Variants in OR8B8 observed in about 807,000 individuals in gnomAD.
OR8B8 encodes the protein olfactory receptor 8B8.
In OR8B8, 8 loss-of-function variants were observed where a neutral mutation model predicts 10.5. The observed-to-expected ratio is 0.76, with a 90% CI of 0.45 to 1.38. The LOEUF is 1.38. OR8B8 is among the 40% of genes most tolerant of loss of function. The probability of loss-of-function intolerance (pLI) is 0.00; values close to 1 mark genes in which losing one functional copy is unlikely to be tolerated. For synonymous variants in OR8B8, 150 were observed against 145.2 expected (o/e 1.03, Z -0.24); for missense variants, 390 against 380.5 (o/e 1.03, Z -0.21).
rs1324977006 is a variant in OR8B8 at position 124,440,142 on chromosome 11, C to G, written c.*8G>C. 6.3e-7 allele frequency: 1 copy of G among 1,599,778 alleles called. No homozygotes were observed. The highest frequency in any genetic ancestry group is 1.3e-5 in the African/African-American group (1 of 74,356). Reference sequence around the variant, plus strand: ...AACAGTGTTTCTTTCCTGAGCATTGCCCTTTTCTCAGGAGAATGCATTTTT... The same window carrying G: ...AACAGTGTTTCTTTCCTGAGCATTGGCCTTTTCTCAGGAGAATGCATTTTT... On this transcript the variant is annotated 3_prime_UTR_variant, in exon 3 of 3. Coordinates refer to ENST00000642064, the MANE Select transcript of OR8B8 (RefSeq NM_012378.2).
chr11:124,441,809 A>G (rs936111378), intron 1 of OR8B8, among the ~76,000 whole-genome samples, 186 bp from the exon 2 acceptor site: 11 of 152,178 alleles, frequency 7.2e-5, no homozygotes, highest in African/African-American at 2.2e-4. Context: ...GTGACAGCCA[A>G]TGACAGGAGA....
At chr11:124,441,198 A>G in intron 2 of OR8B8, 97 bp from the exon 3 acceptor site, 1 of 819,018 alleles carries the variant, frequency 1.2e-6, no homozygotes, top group South Asian at 1.8e-5. Flanking sequence ...GGAGGCACAC[A>G]GAGAGATTTT....
intron 1 of OR8B8, 75 bp from the exon 2 acceptor site, chr11:124,441,698 C>G (rs973122700): frequency 6.5e-6 from 1 of 153,022 alleles, no homozygotes; most frequent in Non-Finnish European, 1.5e-5. Flanking sequence ...TCGGCTGCCT[C>G]AGAACTCTTT....
intron 1 of OR8B8, among the ~76,000 whole-genome samples, chr11:124,444,608 ATCTCTAAT>A (rs1356552727): frequency 6.6e-6 from 1 of 152,204 alleles, no homozygotes; most frequent in Non-Finnish European, 1.5e-5. Context: ...ATGTTCATTA[ATCTCTAAT>A]TCTCAATCTC....
rs1314525488 is a variant in OR8B8, at chr11:124,441,068, G to A, written c.18C>T (p.Ser6=). The part of the protein sequence containing the change: MAAEN[S]SFVTQFILAG... Reference sequence around the variant, plus strand: ...CGAGGATAAACTGTGTCACGAAGGAGGAATTCTCAGCAGCCATTGTCATTT... The same window carrying A: ...CGAGGATAAACTGTGTCACGAAGGAAGAATTCTCAGCAGCCATTGTCATTT... The change falls in exon 3 of 3, where the codon TCC becomes TCT. Residue 6 remains serine (S), a synonymous_variant. Coordinates refer to ENST00000642064, the MANE Select transcript of OR8B8 (RefSeq NM_012378.2). 8.1e-6 allele frequency: 13 copies of A among 1,610,800 alleles called. No homozygotes were observed. The highest frequency in any genetic ancestry group is 1.0e-5 in the Non-Finnish European group (12 of 1,179,610).
Position 124,440,276 on chromosome 11 carries a change from C to T in OR8B8, c.810G>A (p.Gln270=). ...LKPFSLLAMN[Q]GKVSSLFYTT... The stretch of plus-strand genomic sequence containing the variant: ...TATAGAATAGGGAAGACACCTTGCC[C>T]TGGTTCATAGCTAAAAGAGAAAAGG... The change falls in exon 3 of 3, where the codon CAG becomes CAA. Residue 270 remains glutamine (Q), a synonymous_variant. Transcript: ENST00000642064. 1 of 1,614,132 alleles carries T rather than the reference C, an allele frequency of 6.2e-7. No homozygotes were observed. Among genetic ancestry groups the T allele is most frequent in the Non-Finnish European group, 8.5e-7 (1 of 1,180,042 alleles).
At position 124,438,522 on chromosome 11, in the gene OR8B8, A is replaced by G. The variant is rs1303609049; in HGVS notation, c.*1628T>C. On this transcript the variant is annotated 3_prime_UTR_variant, in exon 3 of 3. Transcript: ENST00000642064. ...TATAATCTTTTTAAACTGAAAAGCT[A>G]CTCTACCTTCCTTTATACAGTACCA... 2.0e-5 allele frequency: 3 copies of G among 152,198 alleles called. No individual in the cohort carries two copies. Among genetic ancestry groups the G allele is most frequent in the South Asian group, 4.1e-4 (2 of 4,832 alleles). 9.4% of individuals were successfully genotyped at this position (152,198 alleles called of 1,614,324 possible).
intron 1 of OR8B8, among the ~76,000 whole-genome samples, chr11:124,445,260 A>T (rs767548123): frequency 7.9e-5 from 12 of 152,200 alleles, no homozygotes; most frequent in Non-Finnish European, 1.5e-4. Context: ...AGTCTACTAC[A>T]ACTTGCTGGG....
At chr11:124,441,276 G>C in intron 2 of OR8B8, 175 bp from the exon 3 acceptor site, 1 of 574,786 alleles carries the variant, frequency 1.7e-6, no homozygotes, top group South Asian at 2.4e-5. Context: ...GGCCAGGGCA[G>C]GTGCTGCTGG....
chr11:124,445,530 C>T (rs10893223), intron 1 of OR8B8, 46 bp downstream of exon 1: 73,675 of 151,840 alleles, frequency 0.49, 18,248 homozygotes, highest in East Asian at 0.58. Flanking sequence ...TGCGCACACA[C>T]GTGTGTGTGT....
At chr11:124,443,683 G>A (rs1215590563) in intron 1 of OR8B8, among the ~76,000 whole-genome samples, 1 of 152,080 alleles carries the variant, frequency 6.6e-6, no homozygotes, top group Non-Finnish European at 1.5e-5. Flanking sequence ...CTGAGTTCAG[G>A]TCCCATCACC....
intron 1 of OR8B8, among the ~76,000 whole-genome samples, chr11:124,445,000 C>T (rs1234356967): frequency 6.7e-6 from 1 of 149,934 alleles, no homozygotes; most frequent in African/African-American, 2.5e-5. Flanking sequence ...TACCCTGTCC[C>T]TACTTCCTGT....
intron 1 of OR8B8, among the ~76,000 whole-genome samples, chr11:124,445,133 C>T (rs1861515373): frequency 6.6e-6 from 1 of 152,188 alleles, no homozygotes; most frequent in East Asian, 1.9e-4. Flanking sequence ...CATCTCTAGT[C>T]TCCTAGTCTC....
rs572936186 is a variant in OR8B8 at position 124,443,701 on chromosome 11, CT to C, written c.-153+1874del. Among the ~76,000 whole-genome samples the C allele has an allele frequency of 5.4e-4, 83 of 152,324 alleles. 1 individual carries two copies. Among genetic ancestry groups the C allele is most frequent in the African/African-American group, 1.9e-3 (81 of 41,554 alleles). On this transcript the variant is annotated intron_variant, in intron 1 of 2. Coordinates refer to ENST00000642064, the MANE Select transcript of OR8B8 (RefSeq NM_012378.2). ...AGTTCAGGTCCCATCACCAAGCTCT[CT>C]GTGTTGCACATGTTTTATGCCTCAT... is the stretch of plus-strand genomic sequence containing the variant.
rs918989371 is a variant in OR8B8, at chr11:124,439,965, G to A, written c.*185C>T. On this transcript the variant is annotated 3_prime_UTR_variant, in exon 3 of 3. Coordinates refer to ENST00000642064, the MANE Select transcript of OR8B8 (RefSeq NM_012378.2). ...CCTCAGAAATAGCGGGGAACTGAGT[G>A]AAATGATCCTCAAGACTTACTGTGT... 1.8e-4 allele frequency: 108 copies of A among 587,562 alleles called. No homozygotes were observed. The African/African-American group carries it at 1.9e-3, about 10-fold the overall frequency. The allele number at this position is 587,562 out of a possible 1,614,324, so 36.4% of individuals were successfully genotyped here.
chr11:124,438,488 T>C lies in OR8B8; in HGVS notation c.*1662A>G, dbSNP rs544902071. 3.8e-4 allele frequency: 58 copies of C among 152,324 alleles called. No individual in the cohort carries two copies. The highest frequency in any genetic ancestry group is 2.3e-3 in the Admixed American group (35 of 15,304). The allele number at this position is 152,324 out of a possible 1,614,324, so 9.4% of individuals were successfully genotyped here. The stretch of plus-strand genomic sequence containing the variant: ...CACATATCATTGTTTCACAAAGAAA[T>C]CTACTATTTATAATCTTTTTAAACT... On this transcript the variant is annotated 3_prime_UTR_variant, in exon 3 of 3. Coordinates refer to ENST00000642064, the MANE Select transcript of OR8B8 (RefSeq NM_012378.2).
rs113795177 is a variant in OR8B8, at chr11:124,437,669, C to T, written c.*2481G>A. ...GTGTGTGTGTGTGTGTGTGTGTGTGCGCGCGCGCGTGCGTGCGTGCTGGGA... is the reference window on the plus strand; with the variant it reads ...GTGTGTGTGTGTGTGTGTGTGTGTGTGCGCGCGCGTGCGTGCGTGCTGGGA... On this transcript the variant is annotated 3_prime_UTR_variant, in exon 3 of 3. Transcript: ENST00000642064. The T allele has an allele frequency of 0.056, 4,979 of 88,804 alleles. 87 individuals carry two copies. The highest frequency in any genetic ancestry group is 0.14 in the South Asian group (395 of 2,770). The allele number at this position is 88,804 out of a possible 1,614,324, so 5.5% of individuals were successfully genotyped here.
rs751316203 is a variant in OR8B8, at chr11:124,440,794, T to A, written c.292A>T (p.Met98Leu). ...AAAAGAAAGAAGAAGAGCTGAGTCA[T>A]ACACCCTGCGTAGGAGATGCTGTTC... The part of the protein sequence containing the change: ...KKNSISYAGC[M>L]TQLFFFLFFV... The change falls in exon 3 of 3, where the codon ATG becomes TTG. Residue 98 changes from methionine to leucine, a missense_variant. Met to Leu is a conservative substitution (Grantham distance 15). Transcript: ENST00000642064. 9.3e-6 allele frequency: 15 copies of A among 1,614,078 alleles called. 1 individual carries two copies. Among genetic ancestry groups the A allele is most frequent in the Middle Eastern group, 1.6e-4 (1 of 6,084 alleles).
Position 124,439,816 on chromosome 11 carries a change from G to A in OR8B8, c.*334C>T. 4.5e-6 allele frequency: 1 copy of A among 220,384 alleles called. No homozygotes were observed. Among genetic ancestry groups the A allele is most frequent in the Non-Finnish European group, 9.0e-6 (1 of 111,204 alleles). The allele number at this position is 220,384 out of a possible 1,614,324, so 13.7% of individuals were successfully genotyped here. On this transcript the variant is annotated 3_prime_UTR_variant, in exon 3 of 3. Transcript: ENST00000642064. ...AAATGAAATCTTCCAGAGGCTGAGG[G>A]AGGAAGAAAGTGAGCCATAATGAAA...
Sources: allele counts gnomAD v4.1 joint callset (sites outside exome capture counted in the v4.1 genomes callset), GRCh38; gene constraint gnomAD v4.1.1; transcripts MANE v1.5; gene names NCBI Gene and HGNC (gene_info 2026-07-23, HGNC 2026-07-21).